HSD17B3: variants seen among roughly 807,000 people sequenced by gnomAD.
HSD17B3 encodes hydroxysteroid 17-beta dehydrogenase 3.
Under a neutral mutation model 41.1 loss-of-function variants are expected in HSD17B3, and 29 were observed. The observed-to-expected ratio is 0.71, with a 90% CI of 0.53 to 0.96. The LOEUF (loss-of-function observed/expected upper bound fraction) is 0.96. Ranked by LOEUF, HSD17B3 falls within the 40% of genes least tolerant of loss-of-function variation. The pLI is 0.00. For synonymous variants in HSD17B3, 126 were observed against 145.6 expected (o/e 0.87, Z 0.97); for missense variants, 323 against 374.6 (o/e 0.86, Z 1.14).
At chr9:96,242,043 A>T (rs1346011499) in intron 9 of HSD17B3, among the ~76,000 whole-genome samples, 1 of 151,690 alleles carries the variant, frequency 6.6e-6, no homozygotes, top group Non-Finnish European at 1.5e-5. Context: ...AAAAAAAAAA[A>T]TCCACAAAAG....
chr9:96,300,209 G>GGGACACACACACACACAC (rs775886274), intron 1 of HSD17B3, among the ~76,000 whole-genome samples: 1 of 116,310 alleles, frequency 8.6e-6, no homozygotes, highest in Non-Finnish European at 1.8e-5. Flanking sequence ...ACCCCAAGAG[G>GGGACACACACACACACAC]ACACACACAC....
rs909041670 is a variant in HSD17B3 at position 96,264,431 on chromosome 9, G to GA, written c.202-9489dup. On this transcript the variant is annotated intron_variant, in intron 2 of 10. Coordinates refer to ENST00000375263, the MANE Select transcript of HSD17B3 (RefSeq NM_000197.2). ...GTCTTTGACAAAGAAGGAGGAGGAA[G>GA]AAAAAAAAAGTGGGATAAAGGATCA... Among the ~76,000 whole-genome samples the GA allele has an allele frequency of 7.5e-4, 113 of 151,068 alleles. 1 individual carries two copies. Among genetic ancestry groups the GA allele is most frequent in the African/African-American group, 2.4e-3 (97 of 41,260 alleles).
chr9:96,262,229 C>CTTTTTTTTTTTTTTTT (rs71368240), intron 2 of HSD17B3, among the ~76,000 whole-genome samples: 1 of 54,168 alleles, frequency 1.8e-5, no homozygotes, highest in Non-Finnish European at 3.1e-5. Context: ...ATGTCAATTG[C>CTTTTTTTTTTTTTTTT]TTTTTTTTTT....
chr9:96,240,311 C>T (rs1048405400), intron 10 of HSD17B3, among the ~76,000 whole-genome samples: 3 of 152,190 alleles, frequency 2.0e-5, no homozygotes, highest in Non-Finnish European at 4.4e-5. Context: ...GCGTCATGTC[C>T]GTGGCTTAAA....
intron 6 of HSD17B3, among the ~76,000 whole-genome samples, chr9:96,249,147 T>C (rs1836792207): frequency 6.6e-6 from 1 of 152,122 alleles, no homozygotes; most frequent in Non-Finnish European, 1.5e-5. Flanking sequence ...CCTCAGGTGA[T>C]CTACCTCGGC....
At chr9:96,258,869 G>A (rs1204103902) in intron 2 of HSD17B3, among the ~76,000 whole-genome samples, 1 of 152,072 alleles carries the variant, frequency 6.6e-6, no homozygotes, top group Non-Finnish European at 1.5e-5. Context: ...ATTAGTTGCT[G>A]TAACAAATAA....
intron 2 of HSD17B3, among the ~76,000 whole-genome samples, chr9:96,267,410 G>A (rs533085254): frequency 3.9e-5 from 6 of 151,954 alleles, no homozygotes; most frequent in Admixed American, 1.3e-4. Context: ...CACCCACCTC[G>A]GCCTCCCAAA....
rs140221794 is a variant in HSD17B3, at chr9:96,279,302, T to C, written c.201+19114A>G. ...GAGACATAAGATATCCATCAATACA[T>C]GTAAGATGTACGTTGCTTCTGTCCA... On this transcript the variant is annotated intron_variant, in intron 2 of 10. Transcript: ENST00000375263. Among the ~76,000 whole-genome samples the C allele has an allele frequency of 3.3e-5, 5 of 152,236 alleles. No individual in the cohort carries two copies. The East Asian group carries it at 7.7e-4, about 23-fold the overall frequency.
intron 2 of HSD17B3, among the ~76,000 whole-genome samples, chr9:96,284,457 T>C (rs1011146774): frequency 6.6e-6 from 1 of 152,200 alleles, no homozygotes; most frequent in East Asian, 1.9e-4. Context: ...AATGACAGTA[T>C]AGCTATTTGC....
intron 7 of HSD17B3, among the ~76,000 whole-genome samples, chr9:96,246,204 A>G (rs1453853219): frequency 6.6e-6 from 1 of 152,232 alleles, no homozygotes; most frequent in African/African-American, 2.4e-5. Flanking sequence ...CTCTGACAAA[A>G]GCTGAAATTC....
chr9:96,247,714 C>T (rs542299861), intron 6 of HSD17B3, among the ~76,000 whole-genome samples: 3 of 152,280 alleles, frequency 2.0e-5, no homozygotes, highest in Non-Finnish European at 2.9e-5. Context: ...CGAAGCCTCC[C>T]GAATGAACTC....
At chr9:96,263,971 A>C (rs2130749185) in intron 2 of HSD17B3, among the ~76,000 whole-genome samples, 1 of 152,276 alleles carries the variant, frequency 6.6e-6, no homozygotes, top group East Asian at 1.9e-4. Context: ...ATTCTTTAAA[A>C]TTGATGAGAA....
chr9:96,301,429 T>C (rs752367577), intron 1 of HSD17B3, among the ~76,000 whole-genome samples: 107 of 68,510 alleles, frequency 1.6e-3, no homozygotes, highest in Non-Finnish European at 3.1e-3. Context: ...ATACAAAACG[T>C]TGGCTGGGTG....
chr9:96,246,489 C>T, intron 7 of HSD17B3, 67 bp downstream of exon 7: 1 of 1,407,096 alleles, frequency 7.1e-7, no homozygotes, highest in Non-Finnish European at 1.0e-6. Flanking sequence ...GTCCCCAGTC[C>T]CTGAGTTAGC....
At chr9:96,286,696 A>T (rs1484851768) in intron 2 of HSD17B3, among the ~76,000 whole-genome samples, 1 of 136,706 alleles carries the variant, frequency 7.3e-6, no homozygotes, top group African/African-American at 2.6e-5. Flanking sequence ...TCTCAAAAAA[A>T]AAAAACAAAA....
At chr9:96,286,058 T>C (rs1826905914) in intron 2 of HSD17B3, among the ~76,000 whole-genome samples, 1 of 152,010 alleles carries the variant, frequency 6.6e-6, no homozygotes, top group South Asian at 2.1e-4. Context: ...ATAAAACAGG[T>C]TAGGGCCAGG....
At chr9:96,281,800 G>A (rs1465982695) in intron 2 of HSD17B3, among the ~76,000 whole-genome samples, 1 of 152,188 alleles carries the variant, frequency 6.6e-6, no homozygotes, top group Non-Finnish European at 1.5e-5. Context: ...ACTTTTCAGC[G>A]TTGCTGCAAT....
chr9:96,282,509 A>G (rs528304965), intron 2 of HSD17B3, among the ~76,000 whole-genome samples: 4 of 152,286 alleles, frequency 2.6e-5, no homozygotes, highest in East Asian at 1.9e-4. Flanking sequence ...AAATTGTTCA[A>G]TTTACCTACT....
intron 2 of HSD17B3, among the ~76,000 whole-genome samples, chr9:96,292,368 GATTT>G (rs1359900240): frequency 9.2e-5 from 14 of 152,210 alleles, no homozygotes; most frequent in African/African-American, 3.1e-4. Context: ...TGTTTTTATT[GATTT>G]ATTTATTTTT....
Sources: gnomAD v4.1 joint callset for allele counts (sites outside exome capture counted in the v4.1 genomes callset) on GRCh38, gnomAD v4.1.1 for gene constraint, MANE v1.5 for transcripts, NCBI Gene and HGNC (gene_info 2026-07-23, HGNC 2026-07-21) for gene names.